Variants in KIAA1549L observed in about 807,000 individuals in gnomAD.
KIAA1549L encodes KIAA1549 like.
Under a neutral mutation model 160.7 loss-of-function variants are expected in KIAA1549L, and 88 were observed. The observed-to-expected ratio is 0.55, with a 90% CI of 0.46 to 0.65. The LOEUF (loss-of-function observed/expected upper bound fraction) is 0.65, where lower values mean the gene tolerates loss of function less well. KIAA1549L is among the 30% of genes least tolerant of loss of function. The pLI is 0.00. For missense variants in KIAA1549L, 2,258 were observed against 2,437.5 expected, an observed-to-expected ratio of 0.93 and a Z score of 1.55; for synonymous variants, 950 against 976.7, an observed-to-expected ratio of 0.97 and a Z score of 0.51.
At position 33,544,245 on chromosome 11, in the gene KIAA1549L, C is replaced by T; in HGVS notation, c.2682C>T (p.His894=). Residue 894 remains histidine (H), a synonymous_variant, in exon 2 of 21, where the codon CAC becomes CAT. Transcript: ENST00000658780. ...STPFQNILGY[H]SAAESSISTS... ...CATTCCAGAACATCTTGGGATATCACTCTGCTGCTGAATCTTCTATATCGA... is the reference window on the plus strand; with the variant it reads ...CATTCCAGAACATCTTGGGATATCATTCTGCTGCTGAATCTTCTATATCGA... 6.2e-7 allele frequency: 1 copy of T among 1,614,028 alleles called. No homozygotes were observed. Among genetic ancestry groups the T allele is most frequent in the Non-Finnish European group, 8.5e-7 (1 of 1,179,894 alleles).
At chr11:33,546,312 C>T (rs1259736306) in intron 3 of KIAA1549L, among the ~76,000 whole-genome samples, 1 of 152,144 alleles carries the variant, frequency 6.6e-6, no homozygotes, top group Non-Finnish European at 1.5e-5. Flanking sequence ...AGAAATTATA[C>T]CATCTGGGTT....
intron 13 of KIAA1549L, among the ~76,000 whole-genome samples, chr11:33,604,641 G>A (rs1447293785): frequency 1.3e-5 from 2 of 152,186 alleles, no homozygotes; most frequent in African/African-American, 4.8e-5. Flanking sequence ...ATGAAATAAT[G>A]TCTTTTGCAG....
intron 16 of KIAA1549L, among the ~76,000 whole-genome samples, chr11:33,636,544 T>A (rs933957245): frequency 6.6e-6 from 1 of 152,138 alleles, no homozygotes; most frequent in Non-Finnish European, 1.5e-5. Context: ...TTGGCCAGGC[T>A]GGTGTTGAAC....
At chr11:33,599,044 C>A in intron 13 of KIAA1549L, 97 bp downstream of exon 13, 1 of 1,410,454 alleles carries the variant, frequency 7.1e-7, no homozygotes, top group Non-Finnish European at 9.8e-7. Context: ...CACACAGCCA[C>A]TGGGCTCTGA....
At chr11:33,568,799 A>G (rs926977404) in intron 9 of KIAA1549L, among the ~76,000 whole-genome samples, 7 of 152,184 alleles carry the variant, frequency 4.6e-5, no homozygotes, top group Non-Finnish European at 1.0e-4. Context: ...TGTGCATTCC[A>G]GTTGGAGTTC....
chr11:33,424,111 T>C (rs768883713), intron 1 of KIAA1549L, among the ~76,000 whole-genome samples: 4 of 151,382 alleles, frequency 2.6e-5, no homozygotes, highest in African/African-American at 7.3e-5. Context: ...CAAAGCACAA[T>C]CAAAGCAATG....
chr11:33,573,419 A>G (rs1340486852), intron 9 of KIAA1549L, among the ~76,000 whole-genome samples: 2 of 152,026 alleles, frequency 1.3e-5, no homozygotes, highest in Admixed American at 1.3e-4. Context: ...TTAACTTTTA[A>G]CTTTATATTT....
intron 1 of KIAA1549L, among the ~76,000 whole-genome samples, chr11:33,412,428 G>A (rs781054710): frequency 6.6e-6 from 1 of 152,166 alleles, no homozygotes. Context: ...TGCTAATAGA[G>A]GCATTCCCTG....
At chr11:33,450,564 AAACAACAACAAC>A in intron 1 of KIAA1549L, 1 of 145,060 alleles carries the variant, frequency 6.9e-6, no homozygotes, top group South Asian at 2.2e-4. Context: ...CCTGTCTCTT[AAACAACAACAAC>A]AACAACAACA....
At chr11:33,523,552 G>A (rs1373053923) in intron 1 of KIAA1549L, among the ~76,000 whole-genome samples, 1 of 152,180 alleles carries the variant, frequency 6.6e-6, no homozygotes, top group Non-Finnish European at 1.5e-5. Context: ...TTCTCTGTGA[G>A]ATGCAAAATG....
At chr11:33,599,106 A>AC in intron 13 of KIAA1549L, 159 bp downstream of exon 13, 1 of 732,214 alleles carries the variant, frequency 1.4e-6, no homozygotes, top group Admixed American at 3.0e-5. Context: ...GTCTGTATGT[A>AC]CCCCTTGGGT....
intron 9 of KIAA1549L, among the ~76,000 whole-genome samples, chr11:33,572,953 C>CTT (rs1270035768): frequency 6.6e-6 from 1 of 152,216 alleles, no homozygotes; most frequent in Non-Finnish European, 1.5e-5. Flanking sequence ...TCCTCATCAA[C>CTT]ACTTGGTGTT....
chr11:33,465,049 T>C (rs1054369212), intron 1 of KIAA1549L, among the ~76,000 whole-genome samples: 24 of 114,582 alleles, frequency 2.1e-4, no homozygotes, highest in Admixed American at 1.6e-3. Flanking sequence ...CCTTCTTCTT[T>C]TTTTTTTTTT....
chr11:33,480,072 G>A (rs1225199605), intron 1 of KIAA1549L, among the ~76,000 whole-genome samples: 2 of 152,082 alleles, frequency 1.3e-5, no homozygotes, highest in East Asian at 3.9e-4. Flanking sequence ...GTGCACGCGT[G>A]CTTAAAATAG....
At chr11:33,657,632 A>G (rs1432372960) in intron 18 of KIAA1549L, among the ~76,000 whole-genome samples, 1 of 152,104 alleles carries the variant, frequency 6.6e-6, no homozygotes, top group Admixed American at 6.5e-5. Flanking sequence ...CCCCGTCTAC[A>G]CTAAAAATAC....
At chr11:33,503,329 T>C (rs1186406647) in intron 1 of KIAA1549L, among the ~76,000 whole-genome samples, 1 of 152,238 alleles carries the variant, frequency 6.6e-6, no homozygotes, top group Non-Finnish European at 1.5e-5. Context: ...ATTAATTCAT[T>C]CCTCTGGCAA....
At chr11:33,395,526 A>G (rs749862262) in intron 1 of KIAA1549L, among the ~76,000 whole-genome samples, 8 of 152,202 alleles carry the variant, frequency 5.3e-5, no homozygotes, top group Non-Finnish European at 1.2e-4. Flanking sequence ...CTATAATATG[A>G]AAAGAAGGCT....
chr11:33,659,028 C>G, intron 19 of KIAA1549L, 130 bp downstream of exon 19: 1 of 987,782 alleles, frequency 1.0e-6, no homozygotes, highest in East Asian at 2.9e-5. Flanking sequence ...TTTCTGGATC[C>G]CCTCATAACT....
chr11:33,475,877 A>C (rs983587615), intron 1 of KIAA1549L, among the ~76,000 whole-genome samples: 2 of 152,088 alleles, frequency 1.3e-5, no homozygotes, highest in African/African-American at 4.8e-5. Flanking sequence ...ATTAAAACAA[A>C]CAAAAATATA....
Sources: allele counts gnomAD v4.1 joint callset (sites outside exome capture counted in the v4.1 genomes callset), GRCh38; gene constraint gnomAD v4.1.1; transcripts MANE v1.5; gene names NCBI Gene and HGNC (gene_info 2026-07-23, HGNC 2026-07-21).